Variants in DDX31 observed in about 807,000 individuals in gnomAD.
DDX31 encodes ATP-dependent DNA helicase DDX31.
Under a neutral mutation model 91.3 loss-of-function variants are expected in DDX31, and 70 were observed. That is an observed-to-expected ratio of 0.77 (90% CI 0.63 to 0.94). The LOEUF (loss-of-function observed/expected upper bound fraction) is 0.94. Ranked by LOEUF, DDX31 falls within the 40% of genes least tolerant of loss-of-function variation. The probability of loss-of-function intolerance (pLI) is 0.00; values close to 1 mark genes in which losing one functional copy is unlikely to be tolerated. For synonymous variants in DDX31, 362 were observed against 350.6 expected, an observed-to-expected ratio of 1.03 and a Z score of -0.36; for missense variants, 902 against 925.0, an observed-to-expected ratio of 0.98 and a Z score of 0.32.
intron 19 of DDX31, among the ~76,000 whole-genome samples, chr9:132,596,071 C>T (rs1209322741): frequency 1.3e-5 from 2 of 152,312 alleles, no homozygotes; most frequent in South Asian, 2.1e-4. Flanking sequence ...AATACCAAAA[C>T]GGCAATGTCT....
At chr9:132,668,859 C>T (rs1835502363) in intron 1 of DDX31, among the ~76,000 whole-genome samples, 1 of 152,180 alleles carries the variant, frequency 6.6e-6, no homozygotes, top group Admixed American at 6.5e-5. Context: ...TGAGCCACCG[C>T]GCCCGGCCGC....
intron 3 of DDX31, among the ~76,000 whole-genome samples, chr9:132,661,529 T>C (rs1224275407): frequency 2.6e-5 from 4 of 151,982 alleles, no homozygotes; most frequent in African/African-American, 9.7e-5. Flanking sequence ...CTGCTGAACA[T>C]CCTACAGTGC....
rs78106436 is a variant in DDX31, at chr9:132,620,726, G to C, written c.1714-2285C>G. 7.2e-4 allele frequency among the ~76,000 whole-genome samples: 109 copies of C among 152,244 alleles called. 1 individual carries two copies. The highest frequency in any genetic ancestry group is 2.4e-3 in the African/African-American group (99 of 41,544). ...GTCTAAATTTAAACTGAAGACAGAG[G>C]GGGGCAGAGTTATGCAGCACCATCT... On this transcript the variant is annotated intron_variant, in intron 17 of 19. Transcript: ENST00000372159.
rs546529762 is a variant in DDX31 at position 132,630,208 on chromosome 9, G to A, written c.1631+56C>T. ...ACAAGGCCCATTCACTGTAAAAAGC[G>A]ACAGAAAGTTAATTAGGTGAGACCA... On this transcript the variant is annotated intron_variant, in intron 16 of 19. Transcript: ENST00000372159. 23 of 1,499,594 alleles carry A rather than the reference G, an allele frequency of 1.5e-5. No homozygotes were observed. In the East Asian group the frequency reaches 2.6e-4, roughly 17 times the overall value. The allele number at this position is 1,499,594 out of a possible 1,614,324, so 92.9% of individuals were successfully genotyped here. A position where few individuals can be genotyped will look rare whatever the true frequency, so the allele number is the denominator to read the frequency against.
intron 13 of DDX31, among the ~76,000 whole-genome samples, chr9:132,643,394 G>C (rs1407422680): frequency 6.6e-6 from 1 of 152,200 alleles, no homozygotes; most frequent in Non-Finnish European, 1.5e-5. Context: ...CTGGAAAAAA[G>C]TAAAGTCTCT....
chr9:132,608,884 A>G (rs1831171972), intron 19 of DDX31, among the ~76,000 whole-genome samples: 1 of 152,142 alleles, frequency 6.6e-6, no homozygotes, highest in South Asian at 2.1e-4. Flanking sequence ...ACCCTGACTG[A>G]GGTGTGGAAA....
At chr9:132,637,579 C>T (rs916734465) in intron 14 of DDX31, among the ~76,000 whole-genome samples, 1 of 152,224 alleles carries the variant, frequency 6.6e-6, no homozygotes, top group African/African-American at 2.4e-5. Flanking sequence ...GCCTCTGACG[C>T]CTTCCCGGCC....
At chr9:132,663,179 T>G (rs1345478140) in intron 1 of DDX31, 3 of 1,289,362 alleles carry the variant, frequency 2.3e-6, no homozygotes, top group Non-Finnish European at 3.0e-6. Flanking sequence ...CGAGGGGGAA[T>G]GCGCATCTCA....
At chr9:132,624,166 C>CAAAAAAAAA (rs4021852) in intron 17 of DDX31, among the ~76,000 whole-genome samples, 1 of 71,470 alleles carries the variant, frequency 1.4e-5, no homozygotes, top group African/African-American at 5.7e-5. Flanking sequence ...GACTCCGTCT[C>CAAAAAAAAA]AAAAAAAAAA....
chr9:132,653,494 C>CAAAAAAAAAAAAAAAAAAAAAAA lies in DDX31; in HGVS notation c.589-1025_589-1003dup, dbSNP rs71376648. 1.9e-4 allele frequency among the ~76,000 whole-genome samples: 4 copies of CAAAAAAAAAAAAAAAAAAAAAAA among 20,658 alleles called. 1 individual carries two copies. Among genetic ancestry groups the CAAAAAAAAAAAAAAAAAAAAAAA allele is most frequent in the Admixed American group, 2.3e-3 (2 of 864 alleles). 13.6% of individuals were successfully genotyped at this position (20,658 alleles called of 152,430 possible). On this transcript the variant is annotated intron_variant, in intron 6 of 19. Transcript: ENST00000372159. ...GGGCAACAAGTGAAAAACTCAGTCT[C>CAAAAAAAAAAAAAAAAAAAAAAA]AAAAAAAAAAAAAAAAAAAAAAAAA...
In DDX31 at chr9:132,632,241, T is replaced by TATAC. The variant is rs1554765289; in HGVS notation, c.1441-151_1441-150insGTAT. 5.4e-5 allele frequency: 5 copies of TATAC among 91,882 alleles called. 1 individual carries two copies. The highest frequency in any genetic ancestry group is 9.9e-5 in the Non-Finnish European group (5 of 50,702). 5.7% of individuals were successfully genotyped at this position (91,882 alleles called of 1,614,324 possible). ...CATACACGTATATGCCCAGTACGTG[T>TATAC]ACACACACACACACACACACACACA... On this transcript the variant is annotated intron_variant, in intron 14 of 19. Transcript: ENST00000372159.
intron 17 of DDX31, among the ~76,000 whole-genome samples, chr9:132,619,718 G>T (rs1214146369): frequency 2.6e-5 from 4 of 152,084 alleles, no homozygotes; most frequent in Non-Finnish European, 5.9e-5. Context: ...AATGTCAGGA[G>T]AAGAGTCACT....
intron 19 of DDX31, among the ~76,000 whole-genome samples, chr9:132,600,077 C>T (rs1830649124): frequency 6.6e-6 from 1 of 152,222 alleles, no homozygotes; most frequent in Non-Finnish European, 1.5e-5. Flanking sequence ...TATGCTTGTA[C>T]ACAGAGGAGC....
intron 19 of DDX31, among the ~76,000 whole-genome samples, chr9:132,609,060 G>A (rs906410405): frequency 6.6e-6 from 1 of 152,158 alleles, no homozygotes; most frequent in African/African-American, 2.4e-5. Context: ...GCAGGGGTGG[G>A]GGGAGGATCT....
rs1225132908 is a variant in DDX31, at chr9:132,648,269, T to A, written c.887A>T (p.Asp296Val). The A allele has an allele frequency of 6.2e-7, 1 of 1,611,808 alleles. No homozygotes were observed. Among genetic ancestry groups the A allele is most frequent in the South Asian group, 1.1e-5 (1 of 90,214 alleles). ...TACAGCATTAAGTATCACTGTGATG[T>A]CCTTTTCAAAACCCAAATCCAAGAT... ...DRILDLGFEK[D>V]ITVILNAVNA... Residue 296 changes from aspartate to valine, a missense_variant, in exon 11 of 20, where the codon GAC (aspartate) becomes GTC (valine). Coordinates refer to ENST00000372159, the MANE Select transcript of DDX31 (RefSeq NM_022779.9).
At position 132,595,001 on chromosome 9, in the gene DDX31, T is replaced by G. The variant is rs561676028; in HGVS notation, c.2106A>C (p.Ala702=). ...ADIAKVKKQN[A]PGEPGGRPLQ... is the part of the protein sequence containing the mutation. ...GGGGCCGGCCACCAGGCTCTCCAGGTGCGTTTTGCTTTTTGACCTTGGCGA... is the reference window on the plus strand; with the variant it reads ...GGGGCCGGCCACCAGGCTCTCCAGGGGCGTTTTGCTTTTTGACCTTGGCGA... The change falls in exon 20 of 20, where the codon GCA becomes GCC. Residue 702 remains alanine, a synonymous_variant. Coordinates refer to ENST00000372159, the MANE Select transcript of DDX31 (RefSeq NM_022779.9). This position sits in a 1 kb window ranked among gnomAD's most constrained non-coding sequence, Gnocchi z 4.6. 1.2e-5 allele frequency: 20 copies of G among 1,614,182 alleles called. No individual in the cohort carries two copies. The South Asian group carries it at 2.0e-4, about 16-fold the overall frequency.
intron 14 of DDX31, among the ~76,000 whole-genome samples, chr9:132,639,150 T>G (rs1337423711): frequency 6.6e-6 from 1 of 151,774 alleles, no homozygotes; most frequent in Non-Finnish European, 1.5e-5. Context: ...CCAGGCATGA[T>G]CTATTACAGC....
In DDX31 at chr9:132,612,423, C is replaced by A. The variant is rs1831403152; in HGVS notation, c.1826-168G>T. The A allele has an allele frequency of 4.8e-5, 32 of 670,310 alleles. No homozygotes were observed. The South Asian group carries it at 4.9e-4, about 10-fold the overall frequency. The allele number at this position is 670,310 out of a possible 1,614,324, so 41.5% of individuals were successfully genotyped here. On this transcript the variant is annotated intron_variant, in intron 18 of 19. Transcript: ENST00000372159. ...CTAAAATCTAGACTTCTGTGTATTT[C>A]TTCAATTCCTAAACAACAAAAAGAA... is the stretch of plus-strand genomic sequence containing the variant.
chr9:132,642,202 G>T, intron 13 of DDX31, 139 bp from the exon 14 acceptor site: 1 of 753,114 alleles, frequency 1.3e-6, no homozygotes, highest in Non-Finnish European at 2.2e-6. Context: ...GAAAGAGGAA[G>T]AAGCGGATTC....
Sources: allele counts gnomAD v4.1 joint callset (sites outside exome capture counted in the v4.1 genomes callset), GRCh38; gene constraint gnomAD v4.1.1; non-coding constraint Gnocchi (gnomAD v3.1); transcripts MANE v1.5; gene names NCBI Gene and HGNC (gene_info 2026-07-23, HGNC 2026-07-21).